The following XIST variants were observed in gnomAD, a reference collection of about 807,000 sequenced individuals.
The protein encoded by XIST is X inactive specific transcript (non-protein coding).
At chrX:73,847,794 T>C (rs774682500) in exon 1 of XIST, 9 of 557,089 alleles carry the variant, frequency 1.6e-5, no homozygotes, top group Non-Finnish European at 2.6e-5. Context: ...CATCCCTTTC[T>C]ATAATGTAAA....
At chrX:73,845,127 C>T (rs781336751) in exon 1 of XIST, 29 of 535,695 alleles carry the variant, frequency 5.4e-5, no homozygotes, top group Non-Finnish European at 9.0e-5. Context: ...GTCCAAGGTG[C>T]ATGGTTGTGG....
chrX:73,848,213 A>AC lies in XIST; in HGVS notation n.4510dup, dbSNP rs763785047. 15 of 555,154 alleles carry AC rather than the reference A, an allele frequency of 2.7e-5. No homozygotes were observed. The South Asian group carries it at 3.2e-4, about 12-fold the overall frequency. 45.8% of individuals were successfully genotyped at this position (555,154 alleles called of 1,213,427 possible). A position where few individuals can be genotyped will look rare whatever the true frequency, so the allele number is the denominator to read the frequency against. ...ATTATGCGCATTAACAGTCCCAAGT[A>AC]CCCCCTGCTGTAAGACAAAAGGAAT... On this transcript the variant is annotated non_coding_transcript_exon_variant, in exon 1 of 6. Transcript: ENST00000429829.
intron 1 of XIST, among the ~76,000 whole-genome samples, chrX:73,840,783 A>G (rs1409797820): frequency 9.0e-6 from 1 of 111,586 alleles, no homozygotes; most frequent in Non-Finnish European, 1.9e-5. Context: ...TAATTTGCCA[A>G]CCTTCGCAAA....
exon 6 of XIST, chrX:73,821,452 C>T (rs1267955764): frequency 1.8e-6 from 1 of 556,984 alleles, no homozygotes; most frequent in Non-Finnish European, 3.2e-6. Context: ...CCATTCTTAC[C>T]TAACACAAGG....
intron 3 of XIST, chrX:73,833,228 C>T: frequency 1.8e-6 from 1 of 554,943 alleles, no homozygotes; most frequent in South Asian, 2.3e-5. Context: ...CAATAAATTC[C>T]CCAAACTACC....
chrX:73,848,561 G>A (rs776206787), exon 1 of XIST: 24 of 555,901 alleles, frequency 4.3e-5, no homozygotes, highest in Admixed American at 1.8e-4. Context: ...ACATTGTAGC[G>A]TGCAAATAGG....
At chrX:73,827,355 A>G in exon 6 of XIST, 2 of 558,811 alleles carry the variant, frequency 3.6e-6, no homozygotes, top group South Asian at 4.4e-5. Flanking sequence ...CATGAAATCA[A>G]AGAGAGGGAG....
exon 1 of XIST, chrX:73,852,255 G>GA (rs770650493): frequency 2.1e-4 from 87 of 417,160 alleles, no homozygotes; most frequent in Admixed American, 9.0e-4. Context: ...ATGGGCTAAG[G>GA]AAAAAAAAAT....
exon 1 of XIST, chrX:73,844,564 T>C (rs759048675): frequency 6.3e-5 from 35 of 557,567 alleles, no homozygotes; most frequent in Middle Eastern, 3.1e-4. Flanking sequence ...CACTTACAAT[T>C]GTGCACCTTG....
exon 1 of XIST, chrX:73,850,693 GGGGTAGGGGGGTAGGGGGGT>G (rs1922902684): frequency 3.6e-6 from 1 of 279,985 alleles, no homozygotes; most frequent in Non-Finnish European, 6.4e-6. Flanking sequence ...GGGGGGTAGG[GGGGTAGGGGGGTAGGGGGGT>G]GGGGAGGTGG....
exon 6 of XIST, chrX:73,825,966 G>T (rs12009304): frequency 4.1e-5 from 23 of 557,249 alleles, no homozygotes; most frequent in Non-Finnish European, 7.4e-5. Context: ...TTAAACCCAG[G>T]AGTAGCGTTG....
chrX:73,843,500 T>A (rs757357004), exon 1 of XIST: 2 of 558,635 alleles, frequency 3.6e-6, no homozygotes, highest in Non-Finnish European at 6.5e-6. Context: ...ATGACATTAA[T>A]ATTAAAAGAA....
chrX:73,850,010 T>A (rs1922875617), exon 1 of XIST: 1 of 556,270 alleles, frequency 1.8e-6, no homozygotes, highest in Non-Finnish European at 3.2e-6. Flanking sequence ...TAAGTCTGAA[T>A]AGAGGACACC....
chrX:73,825,827 A>T (rs190760902), exon 6 of XIST: 1 of 547,762 alleles, frequency 1.8e-6, no homozygotes, highest in African/African-American at 2.2e-5. Flanking sequence ...TATGTTTTAC[A>T]GTGCTTTCAT....
At chrX:73,844,422 AGCCAAGC>A (rs1294052421) in exon 1 of XIST, 1 of 558,694 alleles carries the variant, frequency 1.8e-6, no homozygotes, top group East Asian at 3.2e-5. Flanking sequence ...AATATAGACA[AGCCAAGC>A]AAAGAGGCCT....
chrX:73,850,292 G>A (rs1236892446), exon 1 of XIST: 4 of 548,884 alleles, frequency 7.3e-6, no homozygotes, highest in Non-Finnish European at 1.3e-5. Context: ...AAAAGGTTAA[G>A]GAATTTGTAA....
intron 1 of XIST, among the ~76,000 whole-genome samples, chrX:73,838,823 G>T (rs753217646): frequency 9.0e-6 from 1 of 111,454 alleles, no homozygotes; most frequent in Admixed American, 9.6e-5. Flanking sequence ...TGTGTAAAAT[G>T]CTACTTGCCT....
At chrX:73,821,870 T>C (rs1922128080) in exon 6 of XIST, 1 of 552,458 alleles carries the variant, frequency 1.8e-6, no homozygotes. Context: ...TATTCTACTA[T>C]AAAAAGCCCT....
At chrX:73,846,946 C>T (rs1178035817) in exon 1 of XIST, 8 of 557,739 alleles carry the variant, frequency 1.4e-5, no homozygotes, top group Non-Finnish European at 2.6e-5. Flanking sequence ...TACATGCCAT[C>T]TACAGTTCGA....
Sources: allele counts gnomAD v4.1 joint callset (sites outside exome capture counted in the v4.1 genomes callset), GRCh38; gene constraint gnomAD v4.1.1; transcripts MANE v1.5; gene names NCBI Gene and HGNC (gene_info 2026-07-23, HGNC 2026-07-21).